Variants in NLGN1 observed in about 807,000 individuals in gnomAD.
NLGN1 encodes the protein neuroligin 1, also known as neuroligin-1.
A neutral mutation model predicts 65.5 loss-of-function variants in NLGN1; 12 were observed. The observed-to-expected ratio is 0.18, with a 90% CI of 0.12 to 0.30. The LOEUF is 0.30. NLGN1 is among the 10% of genes least tolerant of loss of function. NLGN1 has a pLI of 1.00. For missense variants in NLGN1, 750 were observed against 1,007.1 expected, an observed-to-expected ratio of 0.74 and a Z score of 3.46; for synonymous variants, 350 against 359.5, an observed-to-expected ratio of 0.97 and a Z score of 0.30.
intron 3 of NLGN1, among the ~76,000 whole-genome samples, chr3:173,713,636 T>G (rs527804356): frequency 4.4e-4 from 67 of 152,252 alleles, no homozygotes; most frequent in African/African-American, 1.5e-3. Flanking sequence ...ATGATTGACT[T>G]TGGACAATTA....
At chr3:173,440,521 A>G (rs1181143246) in intron 2 of NLGN1, among the ~76,000 whole-genome samples, 3 of 152,142 alleles carry the variant, frequency 2.0e-5, no homozygotes, top group Non-Finnish European at 4.4e-5. Context: ...CTCTTAATCT[A>G]TGGGGTACAG....
Position 173,907,661 on chromosome 3 carries a change from T to C in NLGN1, c.646+99829T>C, listed in dbSNP as rs539691346. ...GTGCAATGACATGATCTCAGCTCAC[T>C]GAAACCTCTGCCTCCCAGGTTCAAG... is the stretch of plus-strand genomic sequence containing the variant. On this transcript the variant is annotated intron_variant, in intron 4 of 6. Transcript: ENST00000457714. Among the ~76,000 whole-genome samples, 4 of 148,370 alleles carry C rather than the reference T, an allele frequency of 2.7e-5. No individual in the cohort carries two copies. In the South Asian group the frequency reaches 8.9e-4, roughly 33 times the overall value.
At chr3:173,713,678 T>TAATTAA (rs1769371784) in intron 3 of NLGN1, among the ~76,000 whole-genome samples, 1 of 152,132 alleles carries the variant, frequency 6.6e-6, no homozygotes, top group South Asian at 2.1e-4. Context: ...ATTTTTAAGT[T>TAATTAA]GAAATTAATG....
chr3:174,239,358 C>T (rs748000364), intron 4 of NLGN1, among the ~76,000 whole-genome samples: 9 of 152,114 alleles, frequency 5.9e-5, no homozygotes, highest in East Asian at 1.9e-4. Context: ...CATAAGCCAC[C>T]GAGCCTGGCC....
In NLGN1 at chr3:174,047,013, A is replaced by G. The variant is rs185731040; in HGVS notation, c.647-228302A>G. ...TCAATGATGAAAAGGTAAGATTTCT[A>G]AAGTTTTAAGAGAGTTTAAAATAGA... is the stretch of plus-strand genomic sequence containing the variant. On this transcript the variant is annotated intron_variant, in intron 4 of 6. Coordinates refer to ENST00000457714, the Ensembl canonical transcript of NLGN1. Among the ~76,000 whole-genome samples, 32 of 152,128 alleles carry G rather than the reference A, an allele frequency of 2.1e-4. No individual in the cohort carries two copies. In the East Asian group the frequency reaches 6.2e-3, roughly 29 times the overall value.
chr3:174,261,689 C>A (rs1264384578), intron 4 of NLGN1, among the ~76,000 whole-genome samples: 1 of 138,838 alleles, frequency 7.2e-6, no homozygotes, highest in Non-Finnish European at 1.5e-5. Context: ...CCTTCTCCTG[C>A]CTAATTGCCC....
intron 2 of NLGN1, among the ~76,000 whole-genome samples, chr3:173,586,466 C>A (rs1012447337): frequency 2.6e-5 from 4 of 152,128 alleles, no homozygotes; most frequent in Non-Finnish European, 4.4e-5. Flanking sequence ...ACCAAACTTT[C>A]TTCCTGGATT....
chr3:174,176,768 T>A (rs192656204), intron 4 of NLGN1, among the ~76,000 whole-genome samples: 136 of 152,208 alleles, frequency 8.9e-4, no homozygotes, highest in Non-Finnish European at 1.5e-3. Context: ...ATTGCATGTA[T>A]GCAACAACGC....
At chr3:173,897,014 A>G (rs1263408633) in intron 4 of NLGN1, among the ~76,000 whole-genome samples, 7 of 152,094 alleles carry the variant, frequency 4.6e-5, no homozygotes, top group Non-Finnish European at 8.8e-5. Flanking sequence ...TTCTTATTCA[A>G]CCTGTTTCCG....
chr3:173,785,447 C>T (rs1455025416), intron 3 of NLGN1, among the ~76,000 whole-genome samples: 3 of 152,018 alleles, frequency 2.0e-5, no homozygotes, highest in East Asian at 3.8e-4. Flanking sequence ...TTTCTTCTCC[C>T]AGCCTTAGTT....
At chr3:174,213,874 G>A (rs1397879321) in intron 4 of NLGN1, among the ~76,000 whole-genome samples, 1 of 151,930 alleles carries the variant, frequency 6.6e-6, no homozygotes, top group African/African-American at 2.4e-5. Flanking sequence ...TGTCTTCCTT[G>A]GATTTAAGAT....
At chr3:173,451,575 T>C (rs1026109593) in intron 2 of NLGN1, among the ~76,000 whole-genome samples, 6 of 152,118 alleles carry the variant, frequency 3.9e-5, no homozygotes, top group African/African-American at 1.4e-4. Context: ...GAACCACTAC[T>C]CTCTTCAAAG....
chr3:173,744,199 G>T (rs1347093749), intron 3 of NLGN1, among the ~76,000 whole-genome samples: 1 of 152,098 alleles, frequency 6.6e-6, no homozygotes, highest in Non-Finnish European at 1.5e-5. Flanking sequence ...ATGGGAATAA[G>T]AAGATTCAAC....
chr3:173,734,790 A>T (rs1342134626), intron 3 of NLGN1, among the ~76,000 whole-genome samples: 2 of 152,134 alleles, frequency 1.3e-5, no homozygotes, highest in African/African-American at 4.8e-5. Context: ...CCTCAGTAGG[A>T]ATTTTCCCTG....
chr3:173,984,459 T>C (rs1719459035), intron 4 of NLGN1, among the ~76,000 whole-genome samples: 1 of 152,184 alleles, frequency 6.6e-6, no homozygotes, highest in South Asian at 2.1e-4. Context: ...CAAACGCTCA[T>C]ATGGTCAAAA....
At chr3:173,889,126 A>T (rs1734873983) in intron 4 of NLGN1, among the ~76,000 whole-genome samples, 1 of 152,126 alleles carries the variant, frequency 6.6e-6, no homozygotes, top group Non-Finnish European at 1.5e-5. Flanking sequence ...TTTGACATGA[A>T]ACTGTTATTT....
intron 4 of NLGN1, among the ~76,000 whole-genome samples, chr3:173,906,925 C>CTCT (rs953692888): frequency 3.3e-5 from 5 of 150,746 alleles, no homozygotes; most frequent in African/African-American, 4.9e-5. Context: ...TACTGAGGCT[C>CTCT]TCTTTAATTA....
At chr3:174,084,973 C>A (rs1339782913) in intron 4 of NLGN1, among the ~76,000 whole-genome samples, 1 of 151,894 alleles carries the variant, frequency 6.6e-6, no homozygotes, top group Admixed American at 6.6e-5. Context: ...TGCAAATTAT[C>A]TTTGATTGTA....
chr3:173,584,243 AG>A (rs1415040566), intron 2 of NLGN1, among the ~76,000 whole-genome samples: 288 of 148,080 alleles, frequency 1.9e-3, no homozygotes, highest in African/African-American at 6.9e-3. Context: ...AGGGGCAGAA[AG>A]AAAAAAAAAA....
Sources: gnomAD v4.1 joint callset for allele counts (sites outside exome capture counted in the v4.1 genomes callset) on GRCh38, gnomAD v4.1.1 for gene constraint, MANE v1.5 for transcripts, NCBI Gene and HGNC (gene_info 2026-07-23, HGNC 2026-07-21) for gene names.